The following ATP2B4 variants were observed in gnomAD, a reference collection of about 807,000 sequenced individuals.
ATP2B4 encodes plasma membrane calcium-transporting ATPase 4.
ATP2B4 carries 39 observed loss-of-function variants against 110.3 expected under a neutral mutation model. The observed-to-expected ratio is 0.35, with a 90% CI of 0.27 to 0.46. The LOEUF is 0.46. Ranked by LOEUF, ATP2B4 falls within the 20% of genes least tolerant of loss-of-function variation. The probability of loss-of-function intolerance (pLI) is 1.00; values close to 1 mark genes in which losing one functional copy is unlikely to be tolerated. For synonymous variants in ATP2B4, 538 were observed against 571.7 expected, an observed-to-expected ratio of 0.94 and a Z score of 0.84; for missense variants, 1,135 against 1,530.9, an observed-to-expected ratio of 0.74 and a Z score of 4.32.
chr1:203,670,847 C>A (rs1469554647), intron 1 of ATP2B4, among the ~76,000 whole-genome samples: 1 of 152,204 alleles, frequency 6.6e-6, no homozygotes, highest in Non-Finnish European at 1.5e-5. Flanking sequence ...GCATCAGTGT[C>A]TTCCCCCTTC....
chr1:203,712,164 G>A (rs1340947503), intron 13 of ATP2B4, 25 bp downstream of exon 13: 5 of 1,608,794 alleles, frequency 3.1e-6, no homozygotes, highest in Non-Finnish European at 4.2e-6. Context: ...GGGGGAACCA[G>A]GACCTCACCT....
At chr1:203,655,856 A>C (rs1664144952) in intron 1 of ATP2B4, among the ~76,000 whole-genome samples, 1 of 152,136 alleles carries the variant, frequency 6.6e-6, no homozygotes, top group Non-Finnish European at 1.5e-5. Context: ...CTCCACCAGC[A>C]AAAAGATTAC....
At chr1:203,645,362 A>C (rs935818992) in intron 1 of ATP2B4, among the ~76,000 whole-genome samples, 1 of 151,748 alleles carries the variant, frequency 6.6e-6, no homozygotes, top group African/African-American at 2.4e-5. Flanking sequence ...TGTTTACCCA[A>C]CTCACAGACT....
At chr1:203,680,295 T>C (rs7546390) in intron 1 of ATP2B4, among the ~76,000 whole-genome samples, 126,757 of 151,994 alleles carry the variant, frequency 0.83, 53,696 homozygotes, top group East Asian at 1. Flanking sequence ...CTTAAAGGGC[T>C]TAATAACAAA....
rs779048789 is a variant in ATP2B4, at chr1:203,686,685, CTTT to C, written c.193+3311_193+3313del. Among the ~76,000 whole-genome samples the C allele has an allele frequency of 2.2e-3, 96 of 42,780 alleles. 1 individual carries two copies. Among genetic ancestry groups the C allele is most frequent in the African/African-American group, 8.6e-3 (85 of 9,914 alleles). 28.1% of individuals were successfully genotyped at this position (42,780 alleles called of 152,430 possible). A position where few individuals can be genotyped will look rare whatever the true frequency, so the allele number is the denominator to read the frequency against. The stretch of plus-strand genomic sequence containing the variant: ...CCTGGTGTTTTTCTTTCTTTTCTTT[CTTT>C]TTTTTTTTTTTTTTTTTTTTTTTAG... On this transcript the variant is annotated intron_variant, in intron 2 of 20. Transcript: ENST00000357681.
chr1:203,660,692 G>A (rs1447196977), intron 1 of ATP2B4, among the ~76,000 whole-genome samples: 5 of 152,082 alleles, frequency 3.3e-5, no homozygotes, highest in Admixed American at 2.6e-4. Context: ...CCAGCTACTT[G>A]GGAGGCTGAG....
At chr1:203,693,055 A>T (rs1220386607) in intron 2 of ATP2B4, among the ~76,000 whole-genome samples, 1 of 150,686 alleles carries the variant, frequency 6.6e-6, no homozygotes, top group East Asian at 2.0e-4. Flanking sequence ...TCTAGGGGAA[A>T]CCCTTTTCCT....
At chr1:203,659,171 AG>A (rs1664258443) in intron 1 of ATP2B4, among the ~76,000 whole-genome samples, 1 of 152,174 alleles carries the variant, frequency 6.6e-6, no homozygotes, top group Non-Finnish European at 1.5e-5. Flanking sequence ...AAACTAGCAG[AG>A]GGGAAGAAAA....
At chr1:203,705,504 G>A (rs1665825070) in intron 8 of ATP2B4, among the ~76,000 whole-genome samples, 1 of 152,184 alleles carries the variant, frequency 6.6e-6, no homozygotes, top group African/African-American at 2.4e-5. Context: ...GTTCAAGTGA[G>A]TCTCCCGAGT....
intron 1 of ATP2B4, among the ~76,000 whole-genome samples, chr1:203,668,490 TC>T (rs1330632582): frequency 4.6e-5 from 7 of 152,266 alleles, no homozygotes; most frequent in Middle Eastern, 3.4e-3. Flanking sequence ...TCCCTCCCCT[TC>T]CCCCACCTAG....
chr1:203,651,042 T>A (rs1156762184), intron 1 of ATP2B4, among the ~76,000 whole-genome samples: 2 of 152,210 alleles, frequency 1.3e-5, no homozygotes, highest in Admixed American at 1.3e-4. Context: ...CCCAAAGTGC[T>A]GGGATTACAG....
chr1:203,656,807 T>G (rs1226970988), intron 1 of ATP2B4, among the ~76,000 whole-genome samples: 1 of 152,242 alleles, frequency 6.6e-6, no homozygotes, highest in Non-Finnish European at 1.5e-5. Flanking sequence ...CTAAGCAGAT[T>G]TCAAAACAAA....
At chr1:203,688,847 C>T (rs574081974) in intron 2 of ATP2B4, among the ~76,000 whole-genome samples, 3 of 149,054 alleles carry the variant, frequency 2.0e-5, no homozygotes, top group African/African-American at 5.2e-5. Flanking sequence ...ATCAAAGTAA[C>T]TAAAGATTTC....
In ATP2B4 at chr1:203,723,905, A is replaced by C; in HGVS notation, c.3049A>C (p.Lys1017Gln). The change falls in exon 19 of 21, where the codon AAA (lysine) becomes CAA (glutamine). Residue 1017 changes from lysine to glutamine, a missense_variant. By Grantham distance (53) the Lys-to-Gln change is moderately conservative (BLOSUM62 1). This residue lies in a region of ATP2B4 where 155 missense variants were observed against 186.2 expected (regional missense o/e 0.83). Transcript: ENST00000357681. Reference sequence around the variant, plus strand: ...GATTTTCATCGTGGAATTTGGGGGTAAACCCTTCAGTTGTACAAGCCTCAG... The same window carrying C: ...GATTTTCATCGTGGAATTTGGGGGTCAACCCTTCAGTTGTACAAGCCTCAG... ...CQIFIVEFGG[K>Q]PFSCTSLSLS... 4 of 1,609,490 alleles carry C rather than the reference A, an allele frequency of 2.5e-6. No individual in the cohort carries two copies. The highest frequency in any genetic ancestry group is 3.4e-6 in the Non-Finnish European group (4 of 1,178,070).
intron 1 of ATP2B4, among the ~76,000 whole-genome samples, chr1:203,658,121 C>T (rs544783100): frequency 6.6e-6 from 1 of 152,048 alleles, no homozygotes; most frequent in African/African-American, 2.4e-5. Flanking sequence ...CACTGAGAAA[C>T]CAAAACAATA....
At position 203,691,742 on chromosome 1, in the gene ATP2B4, G is replaced by A. The variant is rs568329209; in HGVS notation, c.194-6415G>A. 1.4e-4 allele frequency among the ~76,000 whole-genome samples: 22 copies of A among 152,308 alleles called. No homozygotes were observed. The South Asian group carries it at 4.6e-3, about 32-fold the overall frequency. ...TATTAAACTGGAGGTGCTGAAGCAG[G>A]GAAACTGCTGTATACTCGGAAGAGT... On this transcript the variant is annotated intron_variant, in intron 2 of 20. Coordinates refer to ENST00000357681, the MANE Select transcript of ATP2B4 (RefSeq NM_001684.5).
At chr1:203,678,603 C>T (rs73062392) in intron 1 of ATP2B4, among the ~76,000 whole-genome samples, 15,973 of 152,024 alleles carry the variant, frequency 0.11, 970 homozygotes, top group East Asian at 0.24. Context: ...AGGGTTTCAC[C>T]GTGTTACCTA....
chr1:203,708,840 G>A (rs1665922735), intron 10 of ATP2B4, among the ~76,000 whole-genome samples: 2 of 152,100 alleles, frequency 1.3e-5, no homozygotes, highest in Non-Finnish European at 2.9e-5. Context: ...GGGCAACAGA[G>A]CAAGGTGCTA....
intron 20 of ATP2B4, among the ~76,000 whole-genome samples, chr1:203,732,571 C>T (rs1666760891): frequency 6.6e-6 from 1 of 152,100 alleles, no homozygotes; most frequent in Admixed American, 6.6e-5. Flanking sequence ...TAAATGGCCC[C>T]TGTTTTTTAT....
Sources: gnomAD v4.1 joint callset for allele counts (sites outside exome capture counted in the v4.1 genomes callset) on GRCh38, gnomAD v4.1.1 for gene constraint, gnomAD v4.1.1 regional missense constraint, MANE v1.5 for transcripts, NCBI Gene and HGNC (gene_info 2026-07-23, HGNC 2026-07-21) for gene names.